Variants in REEP3 observed in about 807,000 individuals in gnomAD.
The protein encoded by REEP3 is receptor expression-enhancing protein 3.
Under a neutral mutation model 41.3 loss-of-function variants are expected in REEP3, and 20 were observed. The ratio of observed to expected loss-of-function variants is 0.48; its 90% CI spans 0.34 to 0.70. REEP3 has a LOEUF of 0.70. REEP3 is among the 30% of genes least tolerant of loss of function. The pLI, the probability that REEP3 is intolerant of heterozygous loss-of-function variation, is 0.01. For synonymous variants in REEP3, 104 were observed against 101.8 expected (o/e 1.02, Z -0.13); for missense variants, 271 against 308.8 (o/e 0.88, Z 0.92).
intron 2 of REEP3, among the ~76,000 whole-genome samples, chr10:63,582,520 A>G (rs1319354820): frequency 6.6e-6 from 1 of 152,152 alleles, no homozygotes; most frequent in Non-Finnish European, 1.5e-5. Flanking sequence ...ATGTTGATGT[A>G]AACGAATAGT....
In REEP3 at chr10:63,609,468, A is replaced by G. The variant is rs12769342; in HGVS notation, c.418-719A>G. On this transcript the variant is annotated intron_variant, in intron 5 of 7. Transcript: ENST00000373758. Reference sequence around the variant, plus strand: ...CTCTGTCTCAAAAAAAAAAAAAAAAAGTTGCCCTTGGCCGGGCTTAGTGGC... The same window carrying G: ...CTCTGTCTCAAAAAAAAAAAAAAAAGGTTGCCCTTGGCCGGGCTTAGTGGC... Among the ~76,000 whole-genome samples the G allele has an allele frequency of 4.6e-3, 684 of 149,260 alleles. 4 individuals are homozygous for G. The highest frequency in any genetic ancestry group is 8.1e-3 in the Non-Finnish European group (547 of 67,444).
chr10:63,544,923 A>G (rs1339236790), intron 1 of REEP3, among the ~76,000 whole-genome samples: 2 of 152,220 alleles, frequency 1.3e-5, no homozygotes, highest in East Asian at 1.9e-4. Context: ...AGCAAAGACT[A>G]TTTGATTTAT....
chr10:63,529,264 A>G (rs914496040), intron 1 of REEP3, among the ~76,000 whole-genome samples: 10 of 152,192 alleles, frequency 6.6e-5, no homozygotes, highest in South Asian at 4.1e-4. Context: ...TTCCAGACAC[A>G]CTTATTCCAG....
intron 2 of REEP3, among the ~76,000 whole-genome samples, chr10:63,575,061 G>A (rs1955886792): frequency 6.6e-6 from 1 of 151,702 alleles, no homozygotes; most frequent in African/African-American, 2.4e-5. Context: ...TCACCATATT[G>A]GCCAAGCTGG....
intron 2 of REEP3, among the ~76,000 whole-genome samples, chr10:63,581,743 T>TAA (rs397734356): frequency 1.5e-4 from 22 of 142,976 alleles, no homozygotes; most frequent in African/African-American, 4.5e-4. Context: ...ACCCTGTATT[T>TAA]AAAAAAAAAA....
chr10:63,615,333 TTTTTTGTTTTTG>T (rs575422390), intron 6 of REEP3, among the ~76,000 whole-genome samples: 25 of 152,238 alleles, frequency 1.6e-4, no homozygotes, highest in African/African-American at 5.3e-4. Context: ...AGAAAATGTT[TTTTTTGTTTTTG>T]TTTTTGTTTT....
chr10:63,610,070 G>A, intron 5 of REEP3, 117 bp from the exon 6 acceptor site: 2 of 825,738 alleles, frequency 2.4e-6, no homozygotes, highest in Non-Finnish European at 3.7e-6. Flanking sequence ...AATATTGGGT[G>A]TTCATTGTAC....
At chr10:63,618,959 A>G (rs1465367859) in intron 6 of REEP3, among the ~76,000 whole-genome samples, 2 of 152,152 alleles carry the variant, frequency 1.3e-5, no homozygotes, top group Admixed American at 6.5e-5. Flanking sequence ...CTTCTAGCAT[A>G]CTCGCGTGAT....
At chr10:63,617,465 T>A (rs565442287) in intron 6 of REEP3, among the ~76,000 whole-genome samples, 75 of 152,246 alleles carry the variant, frequency 4.9e-4, no homozygotes, top group African/African-American at 1.8e-3. Context: ...AGTGGCATGA[T>A]CACAGCTCAC....
chr10:63,598,444 A>G lies in REEP3; in HGVS notation c.303+300A>G, dbSNP rs1007699017. On this transcript the variant is annotated intron_variant, in intron 4 of 7. Transcript: ENST00000373758. ...GGTTGCAGTGAGCTGAGATCTCACC[A>G]TTGCACTCCAGCCTGAGTGACAGAA... is the stretch of plus-strand genomic sequence containing the variant. Among the ~76,000 whole-genome samples, 13 of 127,398 alleles carry G rather than the reference A, an allele frequency of 1.0e-4. 1 individual carries two copies. Among genetic ancestry groups the G allele is most frequent in the African/African-American group, 3.6e-4 (12 of 33,498 alleles). The allele number at this position is 127,398 out of a possible 152,430, so 83.6% of individuals were successfully genotyped here. A position where few individuals can be genotyped will look rare whatever the true frequency, so the allele number is the denominator to read the frequency against.
intron 2 of REEP3, among the ~76,000 whole-genome samples, chr10:63,593,581 T>C (rs1184805692): frequency 6.6e-6 from 1 of 152,234 alleles, no homozygotes; most frequent in Non-Finnish European, 1.5e-5. Flanking sequence ...CATGGCATTG[T>C]GTATTTGCTG....
intron 1 of REEP3, among the ~76,000 whole-genome samples, chr10:63,551,618 T>C (rs932218922): frequency 1.3e-5 from 2 of 152,000 alleles, no homozygotes; most frequent in African/African-American, 4.8e-5. Flanking sequence ...TTGAGAAAAA[T>C]TTCAGACAAA....
intron 1 of REEP3, among the ~76,000 whole-genome samples, chr10:63,556,622 T>TTGTTTG (rs373929848): frequency 2.4e-5 from 2 of 82,144 alleles, no homozygotes; most frequent in Non-Finnish European, 2.4e-5. Context: ...TTGTTTTTTT[T>TTGTTTG]TTTGTTGTTT....
intron 1 of REEP3, among the ~76,000 whole-genome samples, chr10:63,553,515 GCT>G (rs1955649174): frequency 2.0e-5 from 3 of 152,090 alleles, no homozygotes; most frequent in Admixed American, 6.5e-5. Context: ...GCGTTTTCAT[GCT>G]CATTGGTGAA....
At chr10:63,598,483 CAAAAAA>C (rs59559921) in intron 4 of REEP3, among the ~76,000 whole-genome samples, 1 of 65,852 alleles carries the variant, frequency 1.5e-5, no homozygotes, top group African/African-American at 6.8e-5. Context: ...GACTCCATCT[CAAAAAA>C]AAAAAAAAAA....
intron 1 of REEP3, among the ~76,000 whole-genome samples, chr10:63,536,900 T>C (rs1412789640): frequency 6.6e-6 from 1 of 152,228 alleles, no homozygotes; most frequent in Non-Finnish European, 1.5e-5. Context: ...CTTTTCATGA[T>C]GCCAGTAGGA....
chr10:63,544,428 A>T (rs1443302663), intron 1 of REEP3, among the ~76,000 whole-genome samples: 1 of 152,248 alleles, frequency 6.6e-6, no homozygotes, highest in Non-Finnish European at 1.5e-5. Flanking sequence ...TATTTGGGAC[A>T]TGGGAACAGA....
intron 2 of REEP3, among the ~76,000 whole-genome samples, chr10:63,577,284 T>A (rs1955906442): frequency 6.6e-6 from 1 of 152,118 alleles, no homozygotes. Context: ...AACCCTCTGA[T>A]TCACCCCTTT....
At chr10:63,556,392 G>T (rs1016046471) in intron 1 of REEP3, among the ~76,000 whole-genome samples, 1 of 152,006 alleles carries the variant, frequency 6.6e-6, no homozygotes, top group African/African-American at 2.4e-5. Flanking sequence ...AAAGTGCTGG[G>T]ATTACAGGCG....
Sources: gnomAD v4.1 joint callset for allele counts (sites outside exome capture counted in the v4.1 genomes callset) on GRCh38, gnomAD v4.1.1 for gene constraint, MANE v1.5 for transcripts, NCBI Gene and HGNC (gene_info 2026-07-23, HGNC 2026-07-21) for gene names.